Variants in C10orf120 observed in about 807,000 individuals in gnomAD.
C10orf120 encodes the protein chromosome 10 open reading frame 120.
A neutral mutation model predicts 10.8 loss-of-function variants in C10orf120; 15 were observed. The ratio of observed to expected loss-of-function variants is 1.39; its 90% CI spans 0.93 to 2.14. The LOEUF (loss-of-function observed/expected upper bound fraction) is 2.14. C10orf120 is among the 30% of genes most tolerant of loss of function. The probability of loss-of-function intolerance (pLI) is 0.00; values close to 1 mark genes in which losing one functional copy is unlikely to be tolerated. For missense variants in C10orf120, 447 were observed against 411.3 expected (o/e 1.09, Z -0.75); for synonymous variants, 141 against 138.9 (o/e 1.02, Z -0.11).
In C10orf120 at chr10:122,698,148, AC is replaced by A. The variant is rs773929863; in HGVS notation, c.592del (p.Val198TrpfsTer44). The A allele has an allele frequency of 6.2e-7, 1 of 1,613,412 alleles. No homozygotes were observed. Among genetic ancestry groups the A allele is most frequent in the South Asian group, 1.1e-5 (1 of 90,790 alleles). ...RFTRSSFLSG[V>X]GLGPMAKNKA... is the part of the protein sequence containing the mutation. ...ATTTTTTGCCATTGGACCCAGGCCCACCCCAGACAGAAATGAGGAGCGTGTA... is the reference window on the plus strand; with the variant it reads ...ATTTTTTGCCATTGGACCCAGGCCCACCCAGACAGAAATGAGGAGCGTGTA... On this transcript the variant is annotated frameshift_variant, in exon 3 of 3. Transcript: ENST00000329446. LOFTEE classifies it low-confidence loss of function (END_TRUNC).
In C10orf120 at chr10:122,699,313, G is replaced by A. The variant is rs781463452; in HGVS notation, c.252+24C>T. The A allele has an allele frequency of 1.3e-5, 20 of 1,576,048 alleles. No individual in the cohort carries two copies. The Middle Eastern group carries it at 5.3e-4, about 41-fold the overall frequency. On this transcript the variant is annotated intron_variant, in intron 2 of 2. Coordinates refer to ENST00000329446, the MANE Select transcript of C10orf120 (RefSeq NM_001010912.4). ...TGGCTGGCTTCAGTGGGGCCTCTCC[G>A]TGTGAAAACTGCGGGACACTTACTA...
rs775067424 is a variant in C10orf120 at position 122,699,640 on chromosome 10, C to T, written c.151G>A (p.Asp51Asn). ...CGCAACGGTGAAGCAGAACTCAGAT[C>T]CTCTTGGCAACACGTTGGGGCTTGA... ...QDQAPTCCQE[D>N]LSSASPLRIW... Residue 51 changes from aspartate (D) to asparagine (N), a missense_variant, in exon 1 of 3, where the codon GAT becomes AAT. Coordinates refer to ENST00000329446, the MANE Select transcript of C10orf120 (RefSeq NM_001010912.4). 6.2e-7 allele frequency: 1 copy of T among 1,612,006 alleles called. No homozygotes were observed. Among genetic ancestry groups the T allele is most frequent in the Non-Finnish European group, 8.5e-7 (1 of 1,178,936 alleles).
chr10:122,698,213 A>G lies in C10orf120; in HGVS notation c.528T>C (p.Ala176=). The G allele has an allele frequency of 1.9e-6, 3 of 1,613,770 alleles. 1 individual carries two copies. The South Asian group carries it at 3.3e-5, about 18-fold the overall frequency. The part of the protein sequence containing the change: ...KHIERMRLAR[A]LGNHQPLPYI... ...AGGGTAAAGGCTGATGATTTCCCAG[A>G]GCCCGAGCAAGCCTCATCCTCTCTA... Residue 176 remains alanine, a synonymous_variant, in exon 3 of 3, where the codon GCT becomes GCC. Transcript: ENST00000329446.
At position 122,699,793 on chromosome 10, in the gene C10orf120, TC is replaced by T. The variant is rs752772140; in HGVS notation, c.-4del. On this transcript the variant is annotated 5_prime_UTR_variant, in exon 1 of 3. Coordinates refer to ENST00000329446, the MANE Select transcript of C10orf120 (RefSeq NM_001010912.4). ...TCATTCTTCCATTCTCTGATCATACTCCGGCAATAAGCTAGGACGGGAGGTG... is the reference window on the plus strand; with the variant it reads ...TCATTCTTCCATTCTCTGATCATACTCGGCAATAAGCTAGGACGGGAGGTG... 9.3e-6 allele frequency: 15 copies of T among 1,610,100 alleles called. No individual in the cohort carries two copies. The highest frequency in any genetic ancestry group is 1.3e-5 in the Non-Finnish European group (15 of 1,177,922).
chr10:122,699,760 T>C lies in C10orf120; in HGVS notation c.31A>G (p.Arg11Gly). Residue 11 changes from arginine (R) to glycine (G), a missense_variant, in exon 1 of 3, where the codon AGG (arginine) becomes GGG (glycine). By Grantham distance (125) the Arg-to-Gly change is moderately radical. Transcript: ENST00000329446. The stretch of plus-strand genomic sequence containing the variant: ...TCACTAGCCCTCTGTTTTTCAATCC[T>C]CTGACAGTCATTCTTCCATTCTCTG... MIREWKNDCQ[R>G]IEKQRASDTM... The C allele has an allele frequency of 6.2e-7, 1 of 1,613,798 alleles. No homozygotes were observed. Among genetic ancestry groups the C allele is most frequent in the Non-Finnish European group, 8.5e-7 (1 of 1,179,818 alleles).
In C10orf120 at chr10:122,698,425, A is replaced by C; in HGVS notation, c.316T>G (p.Cys106Gly). The C allele has an allele frequency of 4.3e-6, 7 of 1,614,190 alleles. No homozygotes were observed. The South Asian group carries it at 6.6e-5, about 15-fold the overall frequency. The part of the protein sequence containing the change: ...RLLAYKQEEE[C>G]RMLKELQLLS... The stretch of plus-strand genomic sequence containing the variant: ...AACTGTAGTTCCTTGAGCATTCTGC[A>C]TTCTTCCTCTTGCTTGTAAGCCAAA... Residue 106 changes from cysteine to glycine, a missense_variant, in exon 3 of 3, where the codon TGC becomes GGC. Coordinates refer to ENST00000329446, the MANE Select transcript of C10orf120 (RefSeq NM_001010912.4).
intron 2 of C10orf120, among the ~76,000 whole-genome samples, 197 bp downstream of exon 2, chr10:122,699,140 C>CAAA (rs67633673): frequency 0.02 from 443 of 21,814 alleles, 75 homozygotes; most frequent in East Asian, 0.1. Context: ...GACTCCGTCT[C>CAAA]AAAAAAAAAA....
At chr10:122,698,740 C>G (rs534592882) in intron 2 of C10orf120, among the ~76,000 whole-genome samples, 31 of 152,140 alleles carry the variant, frequency 2.0e-4, no homozygotes, top group African/African-American at 7.2e-4. Context: ...ACAACATATA[C>G]GAAAGTGACC....
intron 2 of C10orf120, 151 bp from the exon 3 acceptor site, chr10:122,698,639 C>T (rs1254722436): frequency 1.5e-5 from 11 of 722,760 alleles, no homozygotes; most frequent in Non-Finnish European, 1.9e-5. Flanking sequence ...CGTCAGATAA[C>T]CTTGGGTTCA....
intron 2 of C10orf120, among the ~76,000 whole-genome samples, chr10:122,698,986 T>G (rs1845825048): frequency 1.4e-5 from 2 of 144,006 alleles, no homozygotes; most frequent in African/African-American, 2.6e-5. Context: ...TACAAAAAAT[T>G]AGCCGGGCGC....
In C10orf120 at chr10:122,697,911, G is replaced by C; in HGVS notation, c.830C>G (p.Ala277Gly). 1 of 1,614,176 alleles carries C rather than the reference G, an allele frequency of 6.2e-7. No individual in the cohort carries two copies. Among genetic ancestry groups the C allele is most frequent in the South Asian group, 1.1e-5 (1 of 91,078 alleles). Reference protein sequence around the residue: ...LPAKKPERSIAGLTNRNLFCI... With the variant: ...LPAKKPERSIGGLTNRNLFCI... The stretch of plus-strand genomic sequence containing the variant: ...GAAAAGATTTCGGTTTGTTAGGCCT[G>C]CGATGGACCGTTCCGGTTTCTTTGC... Residue 277 changes from alanine to glycine, a missense_variant, in exon 3 of 3, where the codon GCA (alanine) becomes GGA (glycine). Physicochemically the swap from Ala to Gly is moderately conservative, Grantham distance 60. Transcript: ENST00000329446.
In C10orf120 at chr10:122,699,503, T is replaced by C. The variant is rs1845831401; in HGVS notation, c.177-91A>G. 20 of 1,446,196 alleles carry C rather than the reference T, an allele frequency of 1.4e-5. No homozygotes were observed. The South Asian group carries it at 2.2e-4, about 16-fold the overall frequency. The allele number at this position is 1,446,196 out of a possible 1,614,324, so 89.6% of individuals were successfully genotyped here. The stretch of plus-strand genomic sequence containing the variant: ...TGGGAAGGCTCATAAAGGGTTATTC[T>C]ACACTAGCCAGGCTGAGGCCGCCAT... On this transcript the variant is annotated intron_variant, in intron 1 of 2. Coordinates refer to ENST00000329446, the MANE Select transcript of C10orf120 (RefSeq NM_001010912.4).
At position 122,698,135 on chromosome 10, in the gene C10orf120, T is replaced by C; in HGVS notation, c.606A>G (p.Pro202=). Residue 202 remains proline (P), a synonymous_variant, in exon 3 of 3, where the codon CCA becomes CCG. Coordinates refer to ENST00000329446, the MANE Select transcript of C10orf120 (RefSeq NM_001010912.4). ...SSFLSGVGLG[P]MAKNKARRKE... is the part of the protein sequence containing the mutation. ...TTCGTCTGGCCTTATTTTTTGCCAT[T>C]GGACCCAGGCCCACCCCAGACAGAA... 6.2e-7 allele frequency: 1 copy of C among 1,614,016 alleles called. No homozygotes were observed. Among genetic ancestry groups the C allele is most frequent in the African/African-American group, 1.3e-5 (1 of 75,036 alleles).
Position 122,699,685 on chromosome 10 carries a change from T to G in C10orf120, c.106A>C (p.Thr36Pro). ...KNEKPVRIFN[T>P]NSSFQDQAPT... is the part of the protein sequence containing the mutation. Reference sequence around the variant, plus strand: ...GCTTGATCCTGAAAGGAAGAGTTGGTATTAAATATTCTAACTGGCTTTTCA... The same window carrying G: ...GCTTGATCCTGAAAGGAAGAGTTGGGATTAAATATTCTAACTGGCTTTTCA... Residue 36 changes from threonine (T) to proline (P), a missense_variant, in exon 1 of 3, where the codon ACC becomes CCC. Physicochemically the swap from Thr to Pro is conservative, Grantham distance 38. Transcript: ENST00000329446. 6.2e-7 allele frequency: 1 copy of G among 1,613,858 alleles called. No individual in the cohort carries two copies. Among genetic ancestry groups the G allele is most frequent in the East Asian group, 2.2e-5 (1 of 44,880 alleles).
At chr10:122,698,644 G>T (rs1845822207) in intron 2 of C10orf120, among the ~76,000 whole-genome samples, 156 bp from the exon 3 acceptor site, 1 of 152,016 alleles carries the variant, frequency 6.6e-6, no homozygotes, top group Admixed American at 6.6e-5. Flanking sequence ...GATAACCTTG[G>T]GTTCAAATCC....
chr10:122,697,768 C>T lies in C10orf120; in HGVS notation c.973G>A (p.Glu325Lys). 2.5e-6 allele frequency: 4 copies of T among 1,614,182 alleles called. No homozygotes were observed. Among genetic ancestry groups the T allele is most frequent in the South Asian group, 1.1e-5 (1 of 91,074 alleles). Reference protein sequence around the residue: ...YSLEEESIWKERMRKATPYHY With the variant: ...YSLEEESIWKKRMRKATPYHY ...TAAGGAGTTGCTTTACGCATGCGCT[C>T]TTTCCAGATACTCTCTTCTTCCAGG... Residue 325 changes from glutamate to lysine, a missense_variant, in exon 3 of 3, where the codon GAG becomes AAG. Physicochemically the swap from Glu to Lys is moderately conservative, Grantham distance 56 (BLOSUM62 1). Coordinates refer to ENST00000329446, the MANE Select transcript of C10orf120 (RefSeq NM_001010912.4).
In C10orf120 at chr10:122,697,728, A is replaced by C; in HGVS notation, c.*5T>G. On this transcript the variant is annotated 3_prime_UTR_variant, in exon 3 of 3. Transcript: ENST00000329446. The stretch of plus-strand genomic sequence containing the variant: ...ACCTGGTTACCCTGGGCAACAAATA[A>C]AACTTTAATAATGATAAGGAGTTGC... 1 of 1,613,454 alleles carries C rather than the reference A, an allele frequency of 6.2e-7. No homozygotes were observed. Among genetic ancestry groups the C allele is most frequent in the Admixed American group, 1.7e-5 (1 of 59,986 alleles).
rs775344507 is a variant in C10orf120, at chr10:122,697,836, A to G, written c.905T>C (p.Ile302Thr). 6.2e-7 allele frequency: 1 copy of G among 1,614,134 alleles called. No homozygotes were observed. The highest frequency in any genetic ancestry group is 8.5e-7 in the Non-Finnish European group (1 of 1,180,016). The part of the protein sequence containing the change: ...GDLMLMNQDF[I>T]SRRDHFSDLV... Reference sequence around the variant, plus strand: ...ATCACTGAAGTGGTCTCTCCGTGATATAAAATCCTGATTCATTAGCATTAA... The same window carrying G: ...ATCACTGAAGTGGTCTCTCCGTGATGTAAAATCCTGATTCATTAGCATTAA... Residue 302 changes from isoleucine (I) to threonine (T), a missense_variant, in exon 3 of 3, where the codon ATA becomes ACA. Ile to Thr is a moderately conservative substitution (Grantham distance 89, BLOSUM62 -1). Transcript: ENST00000329446.
chr10:122,699,140 C>CAA (rs67633673), intron 2 of C10orf120, among the ~76,000 whole-genome samples, 197 bp downstream of exon 2: 636 of 21,794 alleles, frequency 0.029, 106 homozygotes, highest in African/African-American at 0.038. Context: ...GACTCCGTCT[C>CAA]AAAAAAAAAA....
Sources: gnomAD v4.1 joint callset for allele counts (sites outside exome capture counted in the v4.1 genomes callset) on GRCh38, gnomAD v4.1.1 for gene constraint, MANE v1.5 for transcripts, NCBI Gene and HGNC (gene_info 2026-07-23, HGNC 2026-07-21) for gene names.